The following PRKAR1B variants were observed in gnomAD, a reference collection of about 807,000 sequenced individuals.
PRKAR1B encodes the protein cAMP-dependent protein kinase type I-beta regulatory subunit.
In PRKAR1B, 22 loss-of-function variants were observed where a neutral mutation model predicts 46.5. That is an observed-to-expected ratio of 0.47 (90% CI 0.34 to 0.68). The LOEUF (loss-of-function observed/expected upper bound fraction) is 0.68, where lower values mean the gene tolerates loss of function less well. Ranked by LOEUF, PRKAR1B falls within the 30% of genes least tolerant of loss-of-function variation. The pLI is 0.01. For missense variants in PRKAR1B, 445 were observed against 535.6 expected (o/e 0.83, Z 1.67); for synonymous variants, 259 against 217.7 (o/e 1.19, Z -1.67).
At chr7:643,387 C>T (rs1192456823) in intron 4 of PRKAR1B, among the ~76,000 whole-genome samples, 1 of 151,500 alleles carries the variant, frequency 6.6e-6, no homozygotes, top group South Asian at 2.1e-4. Context: ...GGGAGGAAAG[C>T]GTGAGAACAA....
At chr7:597,635 C>T (rs1324549915) in intron 6 of PRKAR1B, among the ~76,000 whole-genome samples, 2 of 152,214 alleles carry the variant, frequency 1.3e-5, no homozygotes, top group Non-Finnish European at 2.9e-5. Flanking sequence ...GTTTTAGGGG[C>T]GAGGGGACCT....
At chr7:604,580 C>G (rs1018217310) in intron 6 of PRKAR1B, among the ~76,000 whole-genome samples, 1 of 152,238 alleles carries the variant, frequency 6.6e-6, no homozygotes, top group Non-Finnish European at 1.5e-5. Flanking sequence ...ACGTGCCCCC[C>G]ACGGGGAGGC....
At chr7:610,965 G>A (rs975594702) in intron 4 of PRKAR1B, among the ~76,000 whole-genome samples, 1 of 152,124 alleles carries the variant, frequency 6.6e-6, no homozygotes, top group African/African-American at 2.4e-5. Context: ...CTCAGGCCTG[G>A]TAAGAGAAAG....
intron 7 of PRKAR1B, among the ~76,000 whole-genome samples, chr7:588,202 A>G (rs1260379684): frequency 1.3e-5 from 2 of 152,050 alleles, no homozygotes; most frequent in African/African-American, 4.8e-5. Context: ...TGATGGGGAC[A>G]AGGACCCTAA....
intron 9 of PRKAR1B, among the ~76,000 whole-genome samples, chr7:571,407 C>A (rs924152247): frequency 6.6e-6 from 1 of 152,222 alleles, no homozygotes; most frequent in Non-Finnish European, 1.5e-5. Flanking sequence ...AATGGGCCGT[C>A]CCCTGGTTCA....
intron 9 of PRKAR1B, among the ~76,000 whole-genome samples, chr7:573,111 C>A (rs1018825180): frequency 6.6e-6 from 1 of 152,194 alleles, no homozygotes; most frequent in Non-Finnish European, 1.5e-5. Context: ...AGCTGCGAAG[C>A]GCGTCGGTTC....
At chr7:702,010 A>T (rs1025070824) in intron 2 of PRKAR1B, among the ~76,000 whole-genome samples, 1 of 152,258 alleles carries the variant, frequency 6.6e-6, no homozygotes, top group African/African-American at 2.4e-5. Context: ...AATACGTGAA[A>T]GTGTTAAAAG....
intron 6 of PRKAR1B, among the ~76,000 whole-genome samples, chr7:599,900 T>G (rs775240987): frequency 1.4e-5 from 2 of 146,548 alleles, no homozygotes; most frequent in Non-Finnish European, 3.0e-5. Flanking sequence ...CTTCACTCGC[T>G]CACCCTCTGT....
chr7:641,756 G>C (rs544358081), intron 4 of PRKAR1B, among the ~76,000 whole-genome samples: 92 of 151,918 alleles, frequency 6.1e-4, no homozygotes, highest in Non-Finnish European at 9.6e-4. Flanking sequence ...CTATTTATGT[G>C]TTTATTTACT....
At chr7:639,980 T>C (rs972174441) in intron 4 of PRKAR1B, among the ~76,000 whole-genome samples, 2 of 151,568 alleles carry the variant, frequency 1.3e-5, no homozygotes, top group Non-Finnish European at 1.5e-5. Flanking sequence ...CTGGCCAACA[T>C]GGTGAAACCC....
Position 559,599 on chromosome 7 carries a change from C to T in PRKAR1B, c.892-8129G>A, listed in dbSNP as rs539163051. On this transcript the variant is annotated intron_variant, in intron 9 of 10. Transcript: ENST00000537384. ...GCCCAGACCAGAGACCGTCTGGACA[C>T]CCCCCGGGAGGAGACACACTAGGAA... Among the ~76,000 whole-genome samples the T allele has an allele frequency of 2.0e-5, 3 of 152,272 alleles. No individual in the cohort carries two copies. The East Asian group carries it at 5.8e-4, about 29-fold the overall frequency.
At chr7:687,118 C>T (rs1779135418) in intron 2 of PRKAR1B, among the ~76,000 whole-genome samples, 1 of 152,126 alleles carries the variant, frequency 6.6e-6, no homozygotes, top group African/African-American at 2.4e-5. Flanking sequence ...TACATTCTCT[C>T]AAAAGGAATA....
intron 4 of PRKAR1B, among the ~76,000 whole-genome samples, chr7:643,146 A>G (rs1784471871): frequency 6.6e-6 from 1 of 151,588 alleles, no homozygotes. Context: ...TGCAAAAGAG[A>G]AAGACAACAG....
Position 711,473 on chromosome 7 carries a change from C to G in PRKAR1B, c.33G>C (p.Glu11Asp). Residue 11 changes from glutamate (E) to aspartate (D), a missense_variant, in exon 2 of 11, where the codon GAG (glutamate) becomes GAC (aspartate). Physicochemically the swap from Glu to Asp is conservative, Grantham distance 45 (BLOSUM62 2). Coordinates refer to ENST00000537384, the MANE Select transcript of PRKAR1B (RefSeq NM_001164760.2). MASPPACPSE[E>D]DESLKGCELY... ...GCTCACAGCCCTTCAGGCTCTCGTC[C>G]TCCTCCGAGGGGCAGGCGGGCGGGG... The G allele has an allele frequency of 6.2e-7, 1 of 1,614,128 alleles. No homozygotes were observed.
chr7:685,909 T>C (rs1393029631), intron 2 of PRKAR1B, among the ~76,000 whole-genome samples: 1 of 152,154 alleles, frequency 6.6e-6, no homozygotes, highest in African/African-American at 2.4e-5. Context: ...ATTATCAATA[T>C]GGACAATGCA....
intron 2 of PRKAR1B, among the ~76,000 whole-genome samples, chr7:681,310 C>A (rs183078212): frequency 4.1e-5 from 6 of 145,034 alleles, no homozygotes; most frequent in Middle Eastern, 3.6e-3. Context: ...TGGACTAATA[C>A]ACCCTGTCTC....
rs538447731 is a variant in PRKAR1B, at chr7:551,825, C to T, written c.892-355G>A. On this transcript the variant is annotated intron_variant, in intron 9 of 10. Coordinates refer to ENST00000537384, the MANE Select transcript of PRKAR1B (RefSeq NM_001164760.2). ...TCACCACCCAAACCCCCACCTCCCA[C>T]CCAGGTCCTTCTCCCAGAGCCACTG... Among the ~76,000 whole-genome samples, 320 of 141,686 alleles carry T rather than the reference C, an allele frequency of 2.3e-3. 1 individual carries two copies. The highest frequency in any genetic ancestry group is 8.3e-3 in the African/African-American group (305 of 36,528). 93.0% of individuals were successfully genotyped at this position (141,686 alleles called of 152,430 possible).
At chr7:709,410 G>A (rs1408801391) in intron 2 of PRKAR1B, among the ~76,000 whole-genome samples, 1 of 137,772 alleles carries the variant, frequency 7.3e-6, no homozygotes, top group Admixed American at 8.1e-5. Flanking sequence ...TCTCGCTGTC[G>A]CCCAGGCTAG....
rs528880488 is a variant in PRKAR1B at position 606,613 on chromosome 7, T to C, written c.503-374A>G. On this transcript the variant is annotated intron_variant, in intron 5 of 10. Coordinates refer to ENST00000537384, the MANE Select transcript of PRKAR1B (RefSeq NM_001164760.2). ...GGCACCTGCCACCACGCCCAGCTAA[T>C]TTTTTTGTAGTTTTAGTAGAGATGG... 2.6e-5 allele frequency among the ~76,000 whole-genome samples: 4 copies of C among 151,808 alleles called. No individual in the cohort carries two copies. The South Asian group carries it at 6.2e-4, about 24-fold the overall frequency.
Sources: allele counts gnomAD v4.1 joint callset (sites outside exome capture counted in the v4.1 genomes callset), GRCh38; gene constraint gnomAD v4.1.1; transcripts MANE v1.5; gene names NCBI Gene and HGNC (gene_info 2026-07-23, HGNC 2026-07-21).